Variants in CLIP2 observed in about 807,000 individuals in gnomAD.
CLIP2 encodes the protein CAP-Gly domain containing linker protein 2.
A neutral mutation model predicts 111.7 loss-of-function variants in CLIP2; 41 were observed. The ratio of observed to expected loss-of-function variants is 0.37; its 90% CI spans 0.29 to 0.48. The LOEUF (loss-of-function observed/expected upper bound fraction) is 0.48, where lower values mean the gene tolerates loss of function less well. Ranked by LOEUF, CLIP2 falls within the 20% of genes least tolerant of loss-of-function variation. The pLI, the probability that CLIP2 is intolerant of heterozygous loss-of-function variation, is 0.99. For missense variants in CLIP2, 1,160 were observed against 1,422.1 expected (o/e 0.82, Z 2.96); for synonymous variants, 660 against 644.2 (o/e 1.02, Z -0.37).
chr7:74,305,097 C>T (rs1554727520), intron 1 of CLIP2, among the ~76,000 whole-genome samples: 4 of 148,476 alleles, frequency 2.7e-5, no homozygotes, highest in African/African-American at 2.5e-5. Context: ...AGGCCAATTG[C>T]CAGGGAGGAC....
At position 74,404,064 on chromosome 7, in the gene CLIP2, G is replaced by A. The variant is rs558112435; in HGVS notation, c.*216G>A. On this transcript the variant is annotated 3_prime_UTR_variant, in exon 17 of 17. Coordinates refer to ENST00000223398, the MANE Select transcript of CLIP2 (RefSeq NM_003388.5). ...CCAGCCTTCTACAGAGAGTGTGAAC[G>A]GTACAGCCCCGGCCTGACCCGGGGA... The A allele has an allele frequency of 1.4e-3, 846 of 598,432 alleles. 4 individuals are homozygous for A. Among genetic ancestry groups the A allele is most frequent in the African/African-American group, 0.013 (737 of 54,824 alleles). The allele number at this position is 598,432 out of a possible 1,614,324, so 37.1% of individuals were successfully genotyped here.
At chr7:74,305,855 A>ACCCCCCCCCCCCCCCCC (rs1478628381) in intron 1 of CLIP2, among the ~76,000 whole-genome samples, 21 of 52,294 alleles carry the variant, frequency 4.0e-4, no homozygotes, top group African/African-American at 1.5e-3. Context: ...CTGCACCCCA[A>ACCCCCCCCCCCCCCCCC]CCCCCCCCCA....
At position 74,403,884 on chromosome 7, in the gene CLIP2, C is replaced by T. The variant is rs1554318134; in HGVS notation, c.*36C>T. The T allele has an allele frequency of 6.2e-7, 1 of 1,611,944 alleles. No homozygotes were observed. The highest frequency in any genetic ancestry group is 8.5e-7 in the Non-Finnish European group (1 of 1,179,462). On this transcript the variant is annotated 3_prime_UTR_variant, in exon 17 of 17. Coordinates refer to ENST00000223398, the MANE Select transcript of CLIP2 (RefSeq NM_003388.5). ...ATACTGTGGAGCAGCCCAGTCCACA[C>T]CAGAGCCCCACGCGGCTGCCCGGCA...
intron 1 of CLIP2, among the ~76,000 whole-genome samples, chr7:74,299,348 T>C (rs1788259068): frequency 6.6e-6 from 1 of 151,414 alleles, no homozygotes. Context: ...AATAAATAAA[T>C]AAATAAATAA....
At chr7:74,375,648 T>C (rs1554312612) in intron 9 of CLIP2, among the ~76,000 whole-genome samples, 3 of 151,204 alleles carry the variant, frequency 2.0e-5, no homozygotes, top group Admixed American at 6.6e-5. Flanking sequence ...GTGGCGACAG[T>C]TGGCTCTGAA....
At position 74,389,100 on chromosome 7, in the gene CLIP2, C is replaced by G; in HGVS notation, c.2564-3C>G. ...TCCTCCCTTCCCTGCCGGCTGACCC[C>G]AGCGCTGGAGAGCAAGTGTAAGTCA... On this transcript the variant is annotated splice_polypyrimidine_tract_variant and splice_region_variant and intron_variant, in intron 12 of 16. Coordinates refer to ENST00000223398, the MANE Select transcript of CLIP2 (RefSeq NM_003388.5). The G allele has an allele frequency of 6.2e-7, 1 of 1,605,616 alleles. No individual in the cohort carries two copies. The highest frequency in any genetic ancestry group is 8.5e-7 in the Non-Finnish European group (1 of 1,176,548).
At chr7:74,379,839 C>T (rs1160301259) in intron 10 of CLIP2, among the ~76,000 whole-genome samples, 1 of 151,838 alleles carries the variant, frequency 6.6e-6, no homozygotes, top group Non-Finnish European at 1.5e-5. Flanking sequence ...GCTACTCGCT[C>T]GGGAGGCCGA....
At chr7:74,353,243 C>A (rs1238320998) in intron 3 of CLIP2, among the ~76,000 whole-genome samples, 1 of 151,104 alleles carries the variant, frequency 6.6e-6, no homozygotes, top group Non-Finnish European at 1.5e-5. Context: ...ACTTAATTCT[C>A]ACGAAAACCC....
chr7:74,376,395 G>A lies in CLIP2; in HGVS notation c.1994G>A (p.Gly665Asp). 1 of 1,614,068 alleles carries A rather than the reference G, an allele frequency of 6.2e-7. No homozygotes were observed. The highest frequency in any genetic ancestry group is 1.3e-5 in the African/African-American group (1 of 75,044). The part of the protein sequence containing the change: ...GIKMEHQLEL[G>D]NLQAKHDLET... ...AAGATGGAGCACCAGCTGGAGCTGG[G>A]TAACTTGCAGGCCAAGCATGACCTG... The change falls in exon 10 of 17, where the codon GGT (glycine) becomes GAT (aspartate). Residue 665 changes from glycine to aspartate, a missense_variant. Around this residue, in one of 5 missense-constraint regions of CLIP2, gnomAD observed 676 missense variants for 777.8 expected, o/e 0.87. Transcript: ENST00000223398. This position sits in a 1 kb window ranked among gnomAD's most constrained non-coding sequence, Gnocchi z 7.1.
At chr7:74,348,633 C>T (rs1358611787) in intron 3 of CLIP2, among the ~76,000 whole-genome samples, 1 of 151,452 alleles carries the variant, frequency 6.6e-6, no homozygotes, top group Non-Finnish European at 1.5e-5. Flanking sequence ...ACTAAAAATA[C>T]AAAAAAATTA....
Position 74,380,813 on chromosome 7 carries a change from A to G in CLIP2, c.2429A>G (p.Glu810Gly). 1 of 1,607,458 alleles carries G rather than the reference A, an allele frequency of 6.2e-7. No homozygotes were observed. ...LCSSQHTHMI[E>G]SNDISEETIR... Reference sequence around the variant, plus strand: ...CAGGGGCTCTTTTTGCAGATGATTGAGTCGAATGACATTTCAGAGGAGACG... The same window carrying G: ...CAGGGGCTCTTTTTGCAGATGATTGGGTCGAATGACATTTCAGAGGAGACG... Residue 810 changes from glutamate to glycine, a missense_variant, in exon 11 of 17, where the codon GAG (glutamate) becomes GGG (glycine). Physicochemically the swap from Glu to Gly is moderately conservative, Grantham distance 98. This residue lies in a region of CLIP2 where 676 missense variants were observed against 777.8 expected (regional missense o/e 0.87). Coordinates refer to ENST00000223398, the MANE Select transcript of CLIP2 (RefSeq NM_003388.5).
chr7:74,350,206 C>T (rs1157974782), intron 3 of CLIP2, among the ~76,000 whole-genome samples: 1 of 152,038 alleles, frequency 6.6e-6, no homozygotes, highest in East Asian at 1.9e-4. Flanking sequence ...CGCCCACCAC[C>T]ACGCCCAGCT....
intron 11 of CLIP2, among the ~76,000 whole-genome samples, chr7:74,383,687 C>G (rs906502241): frequency 6.6e-6 from 1 of 152,146 alleles, no homozygotes; most frequent in Non-Finnish European, 1.5e-5. Flanking sequence ...CCAAAACATT[C>G]TCATGGGCTG....
At chr7:74,385,003 G>C (rs13243395) in intron 11 of CLIP2, among the ~76,000 whole-genome samples, 15 of 151,000 alleles carry the variant, frequency 9.9e-5, no homozygotes, top group Non-Finnish European at 2.1e-4. Context: ...TAGGCTAGGC[G>C]CGGTGGCTCA....
intron 11 of CLIP2, among the ~76,000 whole-genome samples, chr7:74,381,781 C>T (rs559698271): frequency 3.1e-4 from 47 of 152,092 alleles, no homozygotes; most frequent in Non-Finnish European, 4.9e-4. Flanking sequence ...GTGGAGGTAC[C>T]ATTGTGTATT....
At chr7:74,364,189 G>A in intron 7 of CLIP2, 66 bp from the exon 8 acceptor site, 3 of 1,440,746 alleles carry the variant, frequency 2.1e-6, no homozygotes, top group Non-Finnish European at 1.9e-6. Flanking sequence ...CTCTGCTGTT[G>A]CTCATTCGGT....
At chr7:74,383,872 C>T (rs1791010156) in intron 11 of CLIP2, among the ~76,000 whole-genome samples, 1 of 152,048 alleles carries the variant, frequency 6.6e-6, no homozygotes, top group Non-Finnish European at 1.5e-5. Context: ...AAAGGAGAAC[C>T]CATACCCACT....
intron 8 of CLIP2, among the ~76,000 whole-genome samples, chr7:74,372,215 C>T (rs553315142): frequency 2.0e-5 from 3 of 152,210 alleles, no homozygotes; most frequent in South Asian, 2.1e-4. Context: ...ACAAAAGTGC[C>T]CTTGTGATTT....
chr7:74,323,339 T>C (rs1463344857), intron 2 of CLIP2, among the ~76,000 whole-genome samples: 1 of 152,036 alleles, frequency 6.6e-6, no homozygotes, highest in African/African-American at 2.4e-5. Flanking sequence ...CATGAACTCT[T>C]GGGCTCAAGC....
Sources: allele counts gnomAD v4.1 joint callset (sites outside exome capture counted in the v4.1 genomes callset), GRCh38; gene constraint gnomAD v4.1.1; regional missense constraint gnomAD v4.1.1; non-coding constraint Gnocchi (gnomAD v3.1); transcripts MANE v1.5; gene names NCBI Gene and HGNC (gene_info 2026-07-23, HGNC 2026-07-21).